The following DTNB variants were observed in gnomAD, a reference collection of about 807,000 sequenced individuals.
DTNB encodes the protein dystrobrevin beta, also known as DTN-B.
A neutral mutation model predicts 90.7 loss-of-function variants in DTNB; 63 were observed. That is an observed-to-expected ratio of 0.69 (90% confidence interval 0.57 to 0.86). DTNB has a LOEUF of 0.86. Ranked by LOEUF, DTNB falls within the 40% of genes least tolerant of loss-of-function variation. The pLI is 0.00. For synonymous variants in DTNB, 277 were observed against 286.7 expected, an observed-to-expected ratio of 0.97 and a Z score of 0.34; for missense variants, 744 against 807.1, an observed-to-expected ratio of 0.92 and a Z score of 0.95.
intron 9 of DTNB, among the ~76,000 whole-genome samples, chr2:25,496,346 C>G (rs1046530370): frequency 6.6e-6 from 1 of 152,030 alleles, no homozygotes; most frequent in Non-Finnish European, 1.5e-5. Flanking sequence ...ATGCTAAGTC[C>G]TGTATTTAAG....
intron 12 of DTNB, among the ~76,000 whole-genome samples, chr2:25,444,241 A>G (rs771971888): frequency 5.3e-5 from 8 of 152,168 alleles, no homozygotes; most frequent in Non-Finnish European, 1.0e-4. Context: ...TAAAAAAGGA[A>G]TTTAGGACCG....
At chr2:25,492,376 G>T (rs2067728510) in intron 9 of DTNB, among the ~76,000 whole-genome samples, 2 of 152,010 alleles carry the variant, frequency 1.3e-5, no homozygotes, top group South Asian at 4.1e-4. Flanking sequence ...ATATAAACCA[G>T]ACTGTTGACT....
chr2:25,615,184 C>A (rs530718888), intron 4 of DTNB, among the ~76,000 whole-genome samples: 5 of 152,250 alleles, frequency 3.3e-5, no homozygotes, highest in African/African-American at 1.2e-4. Flanking sequence ...GGAGGAGATG[C>A]ATAGGGTGTG....
chr2:25,668,890 A>G (rs543673015), intron 1 of DTNB, among the ~76,000 whole-genome samples: 12 of 152,354 alleles, frequency 7.9e-5, no homozygotes, highest in African/African-American at 2.6e-4. Flanking sequence ...ATGTCCATCA[A>G]TGAATGAATA....
At chr2:25,439,640 T>C (rs2056899390) in intron 12 of DTNB, among the ~76,000 whole-genome samples, 1 of 152,118 alleles carries the variant, frequency 6.6e-6, no homozygotes, top group Non-Finnish European at 1.5e-5. Flanking sequence ...GAGAATTTAG[T>C]GTAGTAGGAG....
At chr2:25,465,597 C>T (rs951330724) in intron 10 of DTNB, among the ~76,000 whole-genome samples, 7 of 152,194 alleles carry the variant, frequency 4.6e-5, no homozygotes, top group African/African-American at 1.7e-4. Flanking sequence ...GCGCTTCAGC[C>T]GTGCTGACCT....
Position 25,476,299 on chromosome 2 carries a change from C to T in DTNB, c.1079+6497G>A, listed in dbSNP as rs530678283. Among the ~76,000 whole-genome samples, 16 of 152,256 alleles carry T rather than the reference C, an allele frequency of 1.1e-4. No homozygotes were observed. In the South Asian group the frequency reaches 3.3e-3, roughly 32 times the overall value. The stretch of plus-strand genomic sequence containing the variant: ...GGCCAGGCTGGTCTGGAACTCCTGA[C>T]CTCAGGTGATCCACCTGCCTCGGCC... On this transcript the variant is annotated intron_variant, in intron 10 of 20. Coordinates refer to ENST00000406818, the MANE Select transcript of DTNB (RefSeq NM_021907.5).
intron 8 of DTNB, among the ~76,000 whole-genome samples, chr2:25,558,770 G>C (rs1339174943): frequency 6.6e-6 from 1 of 152,170 alleles, no homozygotes; most frequent in South Asian, 2.1e-4. Context: ...TGATTGAAAG[G>C]AGCAATATCT....
intron 6 of DTNB, among the ~76,000 whole-genome samples, chr2:25,591,161 C>T (rs539150507): frequency 6.6e-6 from 1 of 152,312 alleles, no homozygotes; most frequent in Admixed American, 6.5e-5. Context: ...AGGGAGATGC[C>T]AGGCAGCGGG....
At chr2:25,650,431 A>C (rs10865366) in intron 2 of DTNB, among the ~76,000 whole-genome samples, 67,096 of 152,024 alleles carry the variant, frequency 0.44, 15,918 homozygotes, top group East Asian at 0.77. Context: ...AAGCAGTATG[A>C]CGGGTGGTGG....
chr2:25,535,108 G>A (rs187345470), intron 8 of DTNB, among the ~76,000 whole-genome samples: 1,893 of 146,224 alleles, frequency 0.013, 48 homozygotes, highest in African/African-American at 0.043. Context: ...CTTCCCAGAC[G>A]GGGCAGCCGG....
At chr2:25,607,123 G>T in intron 5 of DTNB, 113 bp downstream of exon 5, 1 of 1,132,134 alleles carries the variant, frequency 8.8e-7, no homozygotes, top group Non-Finnish European at 1.3e-6. Context: ...CAGCGTGAGT[G>T]ACATGGTAAT....
Position 25,628,209 on chromosome 2 carries a change from G to A in DTNB, c.324C>T (p.Ile108=). 1 of 1,613,840 alleles carries A rather than the reference G, an allele frequency of 6.2e-7. No homozygotes were observed. Among genetic ancestry groups the A allele is most frequent in the Non-Finnish European group, 8.5e-7 (1 of 1,179,876 alleles). The change falls in exon 4 of 21, where the codon ATC becomes ATT. Residue 108 remains isoleucine (I), a synonymous_variant. Coordinates refer to ENST00000406818, the MANE Select transcript of DTNB (RefSeq NM_021907.5). ...CAATCATAAAGTTGAGGAGGAGGCT[G>A]ATAGATTGTTCCACACTAATTTGGT... ...STHQISVEQS[I]SLLLNFMIAA...
rs191023445 is a variant in DTNB, at chr2:25,581,862, C to T, written c.604-1036G>A. On this transcript the variant is annotated intron_variant, in intron 6 of 20. Coordinates refer to ENST00000406818, the MANE Select transcript of DTNB (RefSeq NM_021907.5). The stretch of plus-strand genomic sequence containing the variant: ...CTTCAAATTGTTCCAAAAGAAGAGC[C>T]CAGACAACAGGGCACACACTCAGGA... Among the ~76,000 whole-genome samples the T allele has an allele frequency of 7.3e-4, 111 of 152,294 alleles. 2 individuals carry two copies. Among genetic ancestry groups the T allele is most frequent in the African/African-American group, 2.6e-3 (106 of 41,560 alleles).
At chr2:25,445,367 G>A (rs2058240080) in intron 12 of DTNB, among the ~76,000 whole-genome samples, 1 of 152,064 alleles carries the variant, frequency 6.6e-6, no homozygotes, top group African/African-American at 2.4e-5. Flanking sequence ...CTAACCTTTA[G>A]AGTTGTAATG....
chr2:25,418,127 C>G (rs1363113187), intron 16 of DTNB, among the ~76,000 whole-genome samples: 2 of 152,142 alleles, frequency 1.3e-5, no homozygotes, highest in African/African-American at 4.8e-5. Context: ...AAGAAAAAAG[C>G]AAAACCAAAC....
At chr2:25,615,568 T>C (rs1306987639) in intron 4 of DTNB, among the ~76,000 whole-genome samples, 1 of 152,082 alleles carries the variant, frequency 6.6e-6, no homozygotes, top group Non-Finnish European at 1.5e-5. Context: ...GTCCAAATAC[T>C]AGAACAAAAG....
chr2:25,487,168 A>G (rs1299355836), intron 9 of DTNB, among the ~76,000 whole-genome samples: 2 of 152,198 alleles, frequency 1.3e-5, no homozygotes, highest in Admixed American at 6.5e-5. Context: ...ACCTAACTGT[A>G]TATAGATGGA....
At chr2:25,614,458 TAAC>T (rs1363003715) in intron 4 of DTNB, among the ~76,000 whole-genome samples, 1 of 152,208 alleles carries the variant, frequency 6.6e-6, no homozygotes, top group Non-Finnish European at 1.5e-5. Flanking sequence ...TAAGTGAGTT[TAAC>T]AACATTGCAG....
Sources: gnomAD v4.1 joint callset for allele counts (sites outside exome capture counted in the v4.1 genomes callset) on GRCh38, gnomAD v4.1.1 for gene constraint, MANE v1.5 for transcripts, NCBI Gene and HGNC (gene_info 2026-07-23, HGNC 2026-07-21) for gene names.